The following POLR1C variants were observed in gnomAD, a reference collection of about 807,000 sequenced individuals.
POLR1C encodes RNA polymerase I and III subunit C.
A neutral mutation model predicts 38.3 loss-of-function variants in POLR1C; 42 were observed. The ratio of observed to expected loss-of-function variants is 1.10; its 90% confidence interval spans 0.86 to 1.42. The LOEUF (loss-of-function observed/expected upper bound fraction) is 1.42, where lower values mean the gene tolerates loss of function less well. Among genes scored for constraint, POLR1C ranks in the 40% most tolerant of loss-of-function variants. POLR1C has a pLI of 0.00. For synonymous variants in POLR1C, 163 were observed against 163.9 expected (o/e 0.99, Z 0.04); for missense variants, 507 against 450.5 (o/e 1.13, Z -1.14).
chr6:43,538,771 C>CTT (rs539083995), intron 9 of POLR1C: 277 of 532,120 alleles, frequency 5.2e-4, no homozygotes, highest in South Asian at 4.2e-3. Context: ...CTACATTTTT[C>CTT]TTTTTTTTTT....
chr6:43,562,032 C>G, exon 11 of POLR1C: 1 of 406,390 alleles, frequency 2.5e-6, no homozygotes, highest in Non-Finnish European at 4.4e-6. Context: ...GGATATCTGA[C>G]GTTGGTATAA....
At chr6:43,553,905 CTAAATAATTAAAATTGAGACCA>C (rs1401088555) in intron 10 of POLR1C, among the ~76,000 whole-genome samples, 4 of 152,186 alleles carry the variant, frequency 2.6e-5, no homozygotes, top group Non-Finnish European at 5.9e-5. Context: ...CCATGAGAAT[CTAAATAATTAAAATTGAGACCA>C]TAAAGAATCT....
rs1457314595 is a variant in POLR1C at position 43,519,332 on chromosome 6, G to C, written c.142-1G>C. 16 of 1,593,462 alleles carry C rather than the reference G, an allele frequency of 1.0e-5. No individual in the cohort carries two copies. The highest frequency in any genetic ancestry group is 1.4e-5 in the Non-Finnish European group (16 of 1,161,432). On this transcript the variant is annotated splice_acceptor_variant, in intron 2 of 8. Transcript: ENST00000642195. LOFTEE classifies it high-confidence loss of function. ...TTAAATGTTTTTTCCTGTCCCTCTA[G>C]AATTTCCGTGTGGATGTAGTACACA...
chr6:43,526,652 A>G, intron 8 of POLR1C: 4 of 1,612,630 alleles, frequency 2.5e-6, no homozygotes, highest in Non-Finnish European at 3.4e-6. Flanking sequence ...GGAGGCTAAG[A>G]GCAGAACTCC....
rs766457547 is a variant in POLR1C at position 43,521,245 on chromosome 6, T to C, written c.986T>C (p.Leu329Pro). ...DVLVSEAIKV[L>P]MGKCRRFLDE... Reference sequence around the variant, plus strand: ...CTGGTGAGTGAAGCCATCAAAGTACTGATGGGGAAGTGCCGGCGCTTCTTG... The same window carrying C: ...CTGGTGAGTGAAGCCATCAAAGTACCGATGGGGAAGTGCCGGCGCTTCTTG... The change falls in exon 9 of 9, where the codon CTG becomes CCG. Residue 329 changes from leucine (L) to proline (P), a missense_variant. Coordinates refer to ENST00000642195, the MANE Select transcript of POLR1C (RefSeq NM_203290.4). 1 of 1,613,574 alleles carries C rather than the reference T, an allele frequency of 6.2e-7. No individual in the cohort carries two copies. Among genetic ancestry groups the C allele is most frequent in the Non-Finnish European group, 8.5e-7 (1 of 1,180,020 alleles).
rs1211578404 is a variant in POLR1C, at chr6:43,520,356, A to G, written c.584A>G (p.Asp195Gly). The G allele has an allele frequency of 1.9e-6, 3 of 1,613,806 alleles. No individual in the cohort carries two copies. Among genetic ancestry groups the G allele is most frequent in the South Asian group, 1.1e-5 (1 of 91,086 alleles). Residue 195 changes from aspartate to glycine, a missense_variant, in exon 6 of 9, where the codon GAT becomes GGT. Asp to Gly is a moderately conservative substitution (Grantham distance 94). Transcript: ENST00000642195. ...FPEGTIRPVH[D>G]DILIAQLRPG... ...GAGGGCACTATCCGACCAGTGCATG[A>G]TGATATCCTCATCGCTCAGCTGCGG...
intron 8 of POLR1C, chr6:43,528,752 C>A (rs1793759020): frequency 7.2e-7 from 1 of 1,395,790 alleles, no homozygotes; most frequent in African/African-American, 1.4e-5. Context: ...TCTAGGAGCT[C>A]CTGACTTGCA....
rs1170282763 is a variant in POLR1C, at chr6:43,548,504, A to T, written c.*5-2464A>T. ...AAAAGCCAGAGGTGGTAAAGGTCTG[A>T]TTTTCAAGGAGAGGTGGCTTACTCA... is the stretch of plus-strand genomic sequence containing the variant. On this transcript the variant is annotated intron_variant, in intron 9 of 10. Transcript: ENST00000607635. 2.8e-6 allele frequency: 4 copies of T among 1,443,162 alleles called. No individual in the cohort carries two copies. In the Admixed American group the frequency reaches 1.0e-4, roughly 36 times the overall value. The allele number at this position is 1,443,162 out of a possible 1,614,324, so 89.4% of individuals were successfully genotyped here.
chr6:43,523,904 A>G, downstream of POLR1C: 2 of 1,614,044 alleles, frequency 1.2e-6, no homozygotes, highest in Non-Finnish European at 1.7e-6. Context: ...CACCCCCATC[A>G]TTGTCCAGCA....
downstream of POLR1C, among the ~76,000 whole-genome samples, chr6:43,521,709 TTAG>T (rs1327263729): frequency 2.6e-5 from 4 of 152,156 alleles, no homozygotes; most frequent in Non-Finnish European, 5.9e-5. Flanking sequence ...TTTTGTATTT[TTAG>T]TAGAGACAGG....
chr6:43,536,795 C>T (rs1386155135), intron 9 of POLR1C, among the ~76,000 whole-genome samples: 3 of 105,018 alleles, frequency 2.9e-5, no homozygotes, highest in East Asian at 2.6e-4. Context: ...AAAAAAGCAG[C>T]TTTACTTTTT....
At chr6:43,525,635 T>C (rs1793537027), downstream of POLR1C, 6 of 585,704 alleles carry the variant, frequency 1.0e-5, no homozygotes, top group Non-Finnish European at 1.5e-5. Context: ...TGTGTTTTCC[T>C]GAGAGCTCCT....
At chr6:43,524,732 A>G (rs1396905982), downstream of POLR1C, 5 of 1,586,468 alleles carry the variant, frequency 3.2e-6, no homozygotes, top group South Asian at 1.2e-5. Flanking sequence ...TGCACCAGCA[A>G]TTTGGCAGGT....
chr6:43,533,753 T>G (rs541013651), downstream of POLR1C: 1 of 428,172 alleles, frequency 2.3e-6, no homozygotes. Context: ...GAAGACTGCT[T>G]GAGTCCAAGA....
chr6:43,543,226 G>C (rs2127723270), intron 9 of POLR1C, among the ~76,000 whole-genome samples: 1 of 152,264 alleles, frequency 6.6e-6, no homozygotes, highest in African/African-American at 2.4e-5. Flanking sequence ...AGCACTTTGG[G>C]AGGATCTCTT....
At chr6:43,529,500 G>C (rs1793822003) in exon 9 of POLR1C, 1 of 263,298 alleles carries the variant, frequency 3.8e-6, no homozygotes, top group Admixed American at 5.2e-5. Context: ...CTTGCAGTGA[G>C]CCGAGATCAC....
intron 7 of POLR1C, 56 bp downstream of exon 7, chr6:43,520,830 G>T: frequency 6.2e-7 from 1 of 1,605,550 alleles, no homozygotes; most frequent in Non-Finnish European, 8.5e-7. Context: ...TTCTTTCAAG[G>T]TGACAGAAAT....
intron 9 of POLR1C, chr6:43,539,587 G>T: frequency 7.3e-7 from 1 of 1,369,652 alleles, no homozygotes; most frequent in Non-Finnish European, 1.0e-6. Flanking sequence ...CCGGTCCACG[G>T]CTGCGACCCC....
At chr6:43,534,098 ACACAGAT>A, downstream of POLR1C, 2 of 949,144 alleles carry the variant, frequency 2.1e-6, no homozygotes, top group Non-Finnish European at 3.2e-6. Context: ...CTACAGTTTC[ACACAGAT>A]CTGCCCATCA....
Sources: gnomAD v4.1 joint callset for allele counts (sites outside exome capture counted in the v4.1 genomes callset) on GRCh38, gnomAD v4.1.1 for gene constraint, MANE v1.5 for transcripts, NCBI Gene and HGNC (gene_info 2026-07-23, HGNC 2026-07-21) for gene names.